Variants in MACROD2 observed in about 807,000 individuals in gnomAD.
The protein encoded by MACROD2 is mono-ADP ribosylhydrolase 2.
MACROD2 carries 36 observed loss-of-function variants against 70.4 expected under a neutral mutation model. That is an observed-to-expected ratio of 0.51 (90% CI 0.39 to 0.68). The LOEUF is 0.68. Among genes scored for constraint, MACROD2 ranks in the 30% least tolerant of loss-of-function variants. The pLI, the probability that MACROD2 is intolerant of heterozygous loss-of-function variation, is 0.00. For synonymous variants in MACROD2, 172 were observed against 178.8 expected, an observed-to-expected ratio of 0.96 and a Z score of 0.30; for missense variants, 496 against 538.4, an observed-to-expected ratio of 0.92 and a Z score of 0.78.
chr20:14,228,189 A>T (rs202223765), intron 3 of MACROD2, among the ~76,000 whole-genome samples: 1 of 124,780 alleles, frequency 8.0e-6, no homozygotes, highest in East Asian at 2.4e-4. Flanking sequence ...AGAGAGAGAG[A>T]GAGAGTGTGT....
intron 3 of MACROD2, among the ~76,000 whole-genome samples, chr20:14,186,297 G>T (rs4813153): frequency 0.15 from 23,546 of 152,028 alleles, 1,924 homozygotes; most frequent in East Asian, 0.26. Flanking sequence ...TGGTGGTTAA[G>T]GAATGTGGTA....
intron 8 of MACROD2, among the ~76,000 whole-genome samples, chr20:15,675,074 G>A (rs530056701): frequency 1.3e-5 from 2 of 152,176 alleles, no homozygotes; most frequent in Admixed American, 6.5e-5. Flanking sequence ...AAAATGCACA[G>A]CCACCTCCTC....
chr20:14,049,185 A>AC (rs1569134294), intron 2 of MACROD2, among the ~76,000 whole-genome samples: 2 of 127,650 alleles, frequency 1.6e-5, no homozygotes, highest in African/African-American at 5.5e-5. Flanking sequence ...AAAAAAAAAA[A>AC]AAAACAAAAA....
chr20:15,298,480 AG>A (rs2146121067), intron 6 of MACROD2, among the ~76,000 whole-genome samples: 2 of 152,342 alleles, frequency 1.3e-5, no homozygotes, highest in South Asian at 4.1e-4. Context: ...GCATAAGAAG[AG>A]TAAGGGTTAC....
chr20:14,049,174 T>TAAAAAAAAAAAAAAAAAAA (rs71335946), intron 2 of MACROD2, among the ~76,000 whole-genome samples: 3 of 69,792 alleles, frequency 4.3e-5, no homozygotes, highest in Admixed American at 1.6e-4. Context: ...ATATATTTAA[T>TAAAAAAAAAAAAAAAAAAA]AAAAAAAAAA....
rs1289846623 is a variant in MACROD2 at position 15,463,150 on chromosome 20, T to C, written c.571+31715T>C. On this transcript the variant is annotated intron_variant, in intron 7 of 17. Coordinates refer to ENST00000684519, the MANE Select transcript of MACROD2 (RefSeq NM_001351661.2). ...CCCTGGGAGATCATGGTTAATGAGT[T>C]GGGAAGCTTTGGCATAACTAGAGAT... Among the ~76,000 whole-genome samples, 3 of 152,296 alleles carry C rather than the reference T, an allele frequency of 2.0e-5. 1 individual carries two copies. In the East Asian group the frequency reaches 5.8e-4, roughly 29 times the overall value.
chr20:14,579,514 G>A (rs1048052966), intron 4 of MACROD2, among the ~76,000 whole-genome samples: 2 of 152,156 alleles, frequency 1.3e-5, no homozygotes, highest in African/African-American at 4.8e-5. Context: ...GAAAATAAAT[G>A]TTTAATACTT....
At chr20:14,477,505 G>GT in intron 3 of MACROD2, among the ~76,000 whole-genome samples, 1 of 152,264 alleles carries the variant, frequency 6.6e-6, no homozygotes, top group African/African-American at 2.4e-5. Context: ...TGTAAGAATA[G>GT]TTCCGTGTCC....
intron 8 of MACROD2, among the ~76,000 whole-genome samples, chr20:15,814,035 C>T (rs1176768649): frequency 6.6e-6 from 1 of 151,962 alleles, no homozygotes; most frequent in African/African-American, 2.4e-5. Context: ...AGGTAAGACC[C>T]CTTTGCTCTG....
chr20:14,917,075 G>A (rs984857378), intron 5 of MACROD2, among the ~76,000 whole-genome samples: 2 of 151,162 alleles, frequency 1.3e-5, no homozygotes, highest in African/African-American at 2.4e-5. Context: ...TCTTCCTCGG[G>A]GTGGAGTGTC....
At chr20:16,044,519 C>CA in intron 16 of MACROD2, 52 bp from the exon 17 acceptor site, 1 of 1,485,288 alleles carries the variant, frequency 6.7e-7, no homozygotes, top group Non-Finnish European at 9.3e-7. Flanking sequence ...TAATGTGTCT[C>CA]AGAGATTTAG....
intron 8 of MACROD2, among the ~76,000 whole-genome samples, chr20:15,647,879 C>T (rs146431913): frequency 5.9e-5 from 9 of 152,100 alleles, no homozygotes; most frequent in East Asian, 5.8e-4. Context: ...ACCACCGCAT[C>T]GGCTAATTTT....
intron 5 of MACROD2, among the ~76,000 whole-genome samples, chr20:14,900,894 G>A (rs1485904610): frequency 6.6e-6 from 1 of 151,576 alleles, no homozygotes; most frequent in Non-Finnish European, 1.5e-5. Flanking sequence ...TTTCTTTGTG[G>A]ATGTGCTCTG....
At chr20:15,096,872 C>T (rs1056854757) in intron 5 of MACROD2, among the ~76,000 whole-genome samples, 1 of 139,264 alleles carries the variant, frequency 7.2e-6, no homozygotes, top group African/African-American at 2.8e-5. Context: ...AGTGCAGTGG[C>T]GTGATCTTGG....
intron 5 of MACROD2, among the ~76,000 whole-genome samples, chr20:15,047,550 T>A (rs988861624): frequency 5.3e-5 from 8 of 152,316 alleles, no homozygotes; most frequent in African/African-American, 1.9e-4. Flanking sequence ...AATCTAAAGA[T>A]CTATGTAGTT....
chr20:14,758,152 A>G (rs1322156935), intron 5 of MACROD2: 2 of 311,374 alleles, frequency 6.4e-6, no homozygotes, highest in East Asian at 1.3e-4. Context: ...TTTCAGATTT[A>G]TTAAAAAAAT....
intron 8 of MACROD2, among the ~76,000 whole-genome samples, chr20:15,815,584 A>G (rs139555964): frequency 2.0e-3 from 305 of 152,304 alleles, no homozygotes; most frequent in African/African-American, 6.6e-3. Flanking sequence ...TACTTGAGTG[A>G]CATCTTCCTG....
At chr20:15,891,749 G>A (rs1220783427) in intron 10 of MACROD2, among the ~76,000 whole-genome samples, 2 of 152,204 alleles carry the variant, frequency 1.3e-5, no homozygotes, top group African/African-American at 4.8e-5. Flanking sequence ...CTTGAGATGT[G>A]CAATACTGTG....
intron 3 of MACROD2, among the ~76,000 whole-genome samples, chr20:14,413,821 A>G (rs557863931): frequency 2.0e-5 from 3 of 152,110 alleles, no homozygotes; most frequent in East Asian, 3.9e-4. Context: ...TTCCTGTTGA[A>G]ATTGCTATGA....
Sources: gnomAD v4.1 joint callset for allele counts (sites outside exome capture counted in the v4.1 genomes callset) on GRCh38, gnomAD v4.1.1 for gene constraint, MANE v1.5 for transcripts, NCBI Gene and HGNC (gene_info 2026-07-23, HGNC 2026-07-21) for gene names.